The following ACVR1 variants were observed in gnomAD, a reference collection of about 807,000 sequenced individuals.
The protein encoded by ACVR1 is activin A receptor type 1.
A neutral mutation model predicts 57.1 loss-of-function variants in ACVR1; 38 were observed. The observed-to-expected ratio is 0.67, with a 90% CI of 0.51 to 0.87. ACVR1 has a LOEUF of 0.87. Ranked by LOEUF, ACVR1 falls within the 40% of genes least tolerant of loss-of-function variation. The probability of loss-of-function intolerance (pLI) is 0.00; values close to 1 mark genes in which losing one functional copy is unlikely to be tolerated. For synonymous variants in ACVR1, 212 were observed against 228.1 expected, an observed-to-expected ratio of 0.93 and a Z score of 0.63; for missense variants, 463 against 638.2, an observed-to-expected ratio of 0.73 and a Z score of 2.96.
intron 1 of ACVR1, among the ~76,000 whole-genome samples, chr2:157,846,266 C>T (rs1050815364): frequency 6.6e-6 from 1 of 152,210 alleles, no homozygotes; most frequent in African/African-American, 2.4e-5. Context: ...GAAGTGGATT[C>T]TCCCAAGAGC....
chr2:157,815,577 C>G (rs764090516), intron 2 of ACVR1, among the ~76,000 whole-genome samples: 24 of 152,150 alleles, frequency 1.6e-4, no homozygotes, highest in Non-Finnish European at 2.8e-4. Context: ...TAGCAATTAA[C>G]TACAGCCATC....
intron 1 of ACVR1, among the ~76,000 whole-genome samples, chr2:157,868,240 T>G (rs1221704870): frequency 1.3e-5 from 2 of 151,746 alleles, no homozygotes; most frequent in Admixed American, 6.6e-5. Flanking sequence ...ATCCCAGCAC[T>G]CTGGGAGGCC....
intron 9 of ACVR1, among the ~76,000 whole-genome samples, chr2:157,745,009 C>A (rs1170365655): frequency 6.6e-6 from 1 of 152,216 alleles, no homozygotes; most frequent in Non-Finnish European, 1.5e-5. Flanking sequence ...CCCTCTAGCC[C>A]ATTGTAATTC....
intron 5 of ACVR1, among the ~76,000 whole-genome samples, chr2:157,774,498 G>A (rs2105272325): frequency 6.6e-6 from 1 of 152,274 alleles, no homozygotes; most frequent in South Asian, 2.1e-4. Flanking sequence ...CCAAGTAGCT[G>A]GGGTTACAGG....
chr2:157,797,779 A>C (rs7565550), intron 3 of ACVR1, among the ~76,000 whole-genome samples: 119,119 of 152,052 alleles, frequency 0.78, 46,889 homozygotes, highest in East Asian at 0.91. Flanking sequence ...TAAGAATTAG[A>C]CTCCTAGGGC....
chr2:157,779,938 C>A (rs1237414339), intron 4 of ACVR1, among the ~76,000 whole-genome samples: 1 of 152,102 alleles, frequency 6.6e-6, no homozygotes, highest in Admixed American at 6.5e-5. Context: ...GTCACCAGTC[C>A]GTTCTGTTTT....
intron 3 of ACVR1, among the ~76,000 whole-genome samples, chr2:157,781,078 C>T (rs1275061371): frequency 6.6e-6 from 1 of 152,128 alleles, no homozygotes; most frequent in Non-Finnish European, 1.5e-5. Context: ...CCCATCAACT[C>T]GTAAAACAAG....
At chr2:157,795,255 T>C (rs1687063087) in intron 3 of ACVR1, among the ~76,000 whole-genome samples, 1 of 152,188 alleles carries the variant, frequency 6.6e-6, no homozygotes, top group Non-Finnish European at 1.5e-5. Flanking sequence ...GGATTAAGTA[T>C]TAGTACTTAA....
intron 3 of ACVR1, among the ~76,000 whole-genome samples, chr2:157,783,552 C>T (rs1686604116): frequency 6.6e-6 from 1 of 152,140 alleles, no homozygotes; most frequent in South Asian, 2.1e-4. Flanking sequence ...TGTGGACAAC[C>T]AGGGATTAAC....
chr2:157,850,052 T>TG (rs1689243313), intron 1 of ACVR1, among the ~76,000 whole-genome samples: 1 of 152,166 alleles, frequency 6.6e-6, no homozygotes, highest in African/African-American at 2.4e-5. Flanking sequence ...CAGCAAAGAA[T>TG]GAAGTCAGAA....
intron 3 of ACVR1, among the ~76,000 whole-genome samples, chr2:157,783,180 A>C (rs1411844877): frequency 6.6e-6 from 1 of 152,236 alleles, no homozygotes; most frequent in South Asian, 2.1e-4. Context: ...GCCAAATTTT[A>C]AAAAAATAAA....
intron 1 of ACVR1, among the ~76,000 whole-genome samples, chr2:157,834,849 T>A (rs1299451990): frequency 6.6e-6 from 1 of 151,994 alleles, no homozygotes; most frequent in African/African-American, 2.4e-5. Flanking sequence ...CCCCTGTGGA[T>A]TTAGTCCCCT....
chr2:157,870,776 T>C (rs1305858843), intron 1 of ACVR1, among the ~76,000 whole-genome samples: 1 of 152,164 alleles, frequency 6.6e-6, no homozygotes, highest in Admixed American at 6.5e-5. Flanking sequence ...AAGAACACAA[T>C]AAATGTTTGT....
chr2:157,806,197 G>T (rs1367913655), intron 2 of ACVR1, among the ~76,000 whole-genome samples: 1 of 151,988 alleles, frequency 6.6e-6, no homozygotes, highest in Non-Finnish European at 1.5e-5. Context: ...TCCTCTTAAA[G>T]AACAACCTTT....
chr2:157,852,156 A>G (rs1689337234), intron 1 of ACVR1, among the ~76,000 whole-genome samples: 1 of 152,050 alleles, frequency 6.6e-6, no homozygotes, highest in Non-Finnish European at 1.5e-5. Flanking sequence ...AAAGGCCAAT[A>G]AAGAGGACAA....
intron 1 of ACVR1, among the ~76,000 whole-genome samples, chr2:157,873,541 A>G (rs1056646503): frequency 6.6e-6 from 1 of 152,238 alleles, no homozygotes; most frequent in East Asian, 1.9e-4. Context: ...CCAAGAGCAG[A>G]ACAAGCCACA....
At chr2:157,780,812 A>G (rs931255564) in intron 3 of ACVR1, among the ~76,000 whole-genome samples, 2 of 151,870 alleles carry the variant, frequency 1.3e-5, no homozygotes, top group African/African-American at 4.8e-5. Context: ...ATTCATTTAT[A>G]TAAGCTGTGC....
At chr2:157,796,550 AAAC>A (rs1208191806) in intron 3 of ACVR1, among the ~76,000 whole-genome samples, 6 of 152,220 alleles carry the variant, frequency 3.9e-5, no homozygotes, top group African/African-American at 1.2e-4. Flanking sequence ...ACCCCGTTTC[AAAC>A]AACAACAACA....
intron 9 of ACVR1, among the ~76,000 whole-genome samples, chr2:157,754,062 T>A (rs922939478): frequency 1.3e-5 from 2 of 152,168 alleles, no homozygotes; most frequent in Admixed American, 6.5e-5. Context: ...TTGAACTGAA[T>A]GATAATAGTG....
Sources: allele counts gnomAD v4.1 joint callset (sites outside exome capture counted in the v4.1 genomes callset), GRCh38; gene constraint gnomAD v4.1.1; transcripts MANE v1.5; gene names NCBI Gene and HGNC (gene_info 2026-07-23, HGNC 2026-07-21).